Variants in KIAA2012 observed in about 807,000 individuals in gnomAD.
The protein encoded by KIAA2012 is KIAA2012.
Under a neutral mutation model 150.6 loss-of-function variants are expected in KIAA2012, and 125 were observed. The observed-to-expected ratio is 0.83, with a 90% confidence interval of 0.72 to 0.96. The LOEUF (loss-of-function observed/expected upper bound fraction) is 0.96. Among genes scored for constraint, KIAA2012 ranks in the 40% least tolerant of loss-of-function variants. The pLI is 0.00. For synonymous variants in KIAA2012, 462 were observed against 504.7 expected (o/e 0.92, Z 1.13); for missense variants, 1,219 against 1,354.9 (o/e 0.90, Z 1.57).
rs766606713 is a variant in KIAA2012, at chr2:202,133,109, A to AAAAAAT, written c.1832-5322_1832-5321insAAAATA. Among the ~76,000 whole-genome samples, 720 of 87,830 alleles carry AAAAAAT rather than the reference A, an allele frequency of 8.2e-3. 29 individuals are homozygous for AAAAAAT. Among genetic ancestry groups the AAAAAAT allele is most frequent in the African/African-American group, 0.013 (280 of 21,486 alleles). The allele number at this position is 87,830 out of a possible 152,430, so 57.6% of individuals were successfully genotyped here. On this transcript the variant is annotated intron_variant, in intron 12 of 23. Coordinates refer to ENST00000498697, the MANE Select transcript of KIAA2012 (RefSeq NM_001277372.4). Reference sequence around the variant, plus strand: ...GACAGTGTGAGACTGTCTAAAAAAAAATATATATATATATATATATATTTT... The same window carrying AAAAAAT: ...GACAGTGTGAGACTGTCTAAAAAAAAAAAAATATATATATATATATATATATATTTT...
chr2:202,102,471 G>C (rs1209435348), intron 7 of KIAA2012, among the ~76,000 whole-genome samples: 3 of 152,192 alleles, frequency 2.0e-5, no homozygotes, highest in Non-Finnish European at 4.4e-5. Context: ...CTGTTTTACA[G>C]AGGAAGAAAT....
chr2:202,178,131 G>A (rs1304120389), intron 15 of KIAA2012, among the ~76,000 whole-genome samples: 1 of 152,084 alleles, frequency 6.6e-6, no homozygotes, highest in Non-Finnish European at 1.5e-5. Flanking sequence ...CCTAGGAGGT[G>A]GAGGTTGCAG....
At chr2:202,167,187 AC>A (rs1559226453) in intron 15 of KIAA2012, among the ~76,000 whole-genome samples, 2 of 151,894 alleles carry the variant, frequency 1.3e-5, no homozygotes, top group Non-Finnish European at 1.5e-5. Flanking sequence ...AAAAAAAAAA[AC>A]TTTCCACTCC....
intron 9 of KIAA2012, among the ~76,000 whole-genome samples, chr2:202,106,327 T>A (rs1218575258): frequency 6.6e-6 from 1 of 152,250 alleles, no homozygotes; most frequent in African/African-American, 2.4e-5. Flanking sequence ...TAGTTTATCC[T>A]GTATTTTTAA....
chr2:202,117,007 T>C (rs1177413716), intron 11 of KIAA2012: 1 of 152,182 alleles, frequency 6.6e-6, no homozygotes, highest in Non-Finnish European at 1.5e-5. Context: ...CCTAGGCTTG[T>C]GTGGGAGTTG....
At position 202,075,154 on chromosome 2, in the gene KIAA2012, C is replaced by G. The variant is rs994523959; in HGVS notation, c.348C>G (p.Ile116Met). 3.9e-6 allele frequency: 6 copies of G among 1,547,220 alleles called. No homozygotes were observed. Among genetic ancestry groups the G allele is most frequent in the South Asian group, 1.2e-5 (1 of 83,470 alleles). ...CACTTCAAGACCTCAAAGAAGCCAT[C>G]CTGGCATATGGAAGGCAGCAGGTAG... Reference protein sequence around the residue: ...LHTLQDLKEAILAYGRQQGEQ... With the variant: ...LHTLQDLKEAMLAYGRQQGEQ... Residue 116 changes from isoleucine to methionine, a missense_variant, in exon 2 of 24, where the codon ATC becomes ATG. Physicochemically the swap from Ile to Met is conservative, Grantham distance 10 (BLOSUM62 1). Coordinates refer to ENST00000498697, the MANE Select transcript of KIAA2012 (RefSeq NM_001277372.4).
chr2:202,111,459 G>A (rs568200375), intron 10 of KIAA2012, among the ~76,000 whole-genome samples: 4 of 134,008 alleles, frequency 3.0e-5, no homozygotes, highest in Admixed American at 8.5e-5. Flanking sequence ...GCAGTGAGCC[G>A]AGATAGCACC....
At chr2:202,192,455 T>C (rs1246350772) in intron 19 of KIAA2012, among the ~76,000 whole-genome samples, 1 of 108,480 alleles carries the variant, frequency 9.2e-6, no homozygotes, top group East Asian at 2.7e-4. Context: ...AAATAGCTTC[T>C]TTTTTTTTTT....
chr2:202,099,488 T>C, intron 5 of KIAA2012, 125 bp from the exon 6 acceptor site: 1 of 712,714 alleles, frequency 1.4e-6, no homozygotes. Flanking sequence ...CTTATTTTTC[T>C]TCCCAACCTG....
intron 2 of KIAA2012, among the ~76,000 whole-genome samples, chr2:202,087,050 C>G (rs982383929): frequency 2.0e-5 from 3 of 152,176 alleles, no homozygotes; most frequent in African/African-American, 7.2e-5. Flanking sequence ...CTGGTCAAAT[C>G]CTGCCCACTA....
Position 202,179,663 on chromosome 2 carries a change from C to G in KIAA2012, c.2120-5090C>G, listed in dbSNP as rs940036673. 1.2e-5 allele frequency: 8 copies of G among 658,762 alleles called. No individual in the cohort carries two copies. In the African/African-American group the frequency reaches 1.4e-4, roughly 12 times the overall value. The allele number at this position is 658,762 out of a possible 1,614,324, so 40.8% of individuals were successfully genotyped here. A position where few individuals can be genotyped will look rare whatever the true frequency, so the allele number is the denominator to read the frequency against. On this transcript the variant is annotated intron_variant, in intron 15 of 23. Coordinates refer to ENST00000498697, the MANE Select transcript of KIAA2012 (RefSeq NM_001277372.4). ...TCTGTAATGCAAGAATATACTCAGTCAGGTGGTGTTTGTCCATTTGGAGTT... is the reference window on the plus strand; with the variant it reads ...TCTGTAATGCAAGAATATACTCAGTGAGGTGGTGTTTGTCCATTTGGAGTT...
chr2:202,190,545 G>A (rs181542183), intron 19 of KIAA2012, 52 bp downstream of exon 19: 78 of 1,360,508 alleles, frequency 5.7e-5, no homozygotes, highest in Admixed American at 4.6e-4. Context: ...CTCACTTGGC[G>A]CGACTGCAAA....
chr2:202,147,996 C>G (rs1234721289), intron 13 of KIAA2012, among the ~76,000 whole-genome samples: 1 of 152,188 alleles, frequency 6.6e-6, no homozygotes, highest in Non-Finnish European at 1.5e-5. Flanking sequence ...ACTGTTTTGG[C>G]TTGAAATTTT....
chr2:202,154,552 CG>C (rs1467061466), intron 13 of KIAA2012, 120 bp from the exon 14 acceptor site: 2 of 842,286 alleles, frequency 2.4e-6, no homozygotes, highest in Admixed American at 3.3e-5. Context: ...ATAGTTGCTG[CG>C]TATTATTGTT....
intron 15 of KIAA2012, among the ~76,000 whole-genome samples, chr2:202,166,558 A>G (rs1691768092): frequency 6.6e-6 from 1 of 151,916 alleles, no homozygotes; most frequent in Admixed American, 6.6e-5. Flanking sequence ...AGGCTGAGGC[A>G]GGAGGATCAT....
At chr2:202,154,545 G>C in intron 13 of KIAA2012, 128 bp from the exon 14 acceptor site, 1 of 813,514 alleles carries the variant, frequency 1.2e-6, no homozygotes, top group Non-Finnish European at 1.9e-6. Flanking sequence ...AGTAACAATA[G>C]TTGCTGCGTA....
At chr2:202,188,006 C>CT in intron 17 of KIAA2012, 146 bp from the exon 18 acceptor site, 1 of 616,830 alleles carries the variant, frequency 1.6e-6, no homozygotes, top group Non-Finnish European at 2.8e-6. Flanking sequence ...TCTGCATTCT[C>CT]TAAGATTCAC....
chr2:202,078,567 GTGT>G (rs1219188932), intron 2 of KIAA2012, among the ~76,000 whole-genome samples: 14 of 152,168 alleles, frequency 9.2e-5, no homozygotes, highest in Non-Finnish European at 4.4e-5. Context: ...GGGATTACAG[GTGT>G]GAGCCACCAT....
In KIAA2012 at chr2:202,125,195, A is replaced by T. The variant is rs771014441; in HGVS notation, c.1763-19A>T. On this transcript the variant is annotated intron_variant, in intron 11 of 23. Coordinates refer to ENST00000498697, the MANE Select transcript of KIAA2012 (RefSeq NM_001277372.4). The stretch of plus-strand genomic sequence containing the variant: ...AGACTTTTTCCCGCTCTCAGGTAAA[A>T]TATCTTACTGTTTTTCAGCCTATGA... The T allele has an allele frequency of 6.5e-7, 1 of 1,545,902 alleles. No homozygotes were observed. The highest frequency in any genetic ancestry group is 1.4e-5 in the African/African-American group (1 of 72,930).
Sources: allele counts gnomAD v4.1 joint callset (sites outside exome capture counted in the v4.1 genomes callset), GRCh38; gene constraint gnomAD v4.1.1; transcripts MANE v1.5; gene names NCBI Gene and HGNC (gene_info 2026-07-23, HGNC 2026-07-21).